The following CAST variants were observed in gnomAD, a reference collection of about 807,000 sequenced individuals.
CAST encodes the protein MIR583 host.
CAST carries 76 observed loss-of-function variants against 119.6 expected under a neutral mutation model. The observed-to-expected ratio is 0.64, with a 90% CI of 0.53 to 0.77. The LOEUF (loss-of-function observed/expected upper bound fraction) is 0.77. Ranked by LOEUF, CAST falls within the 30% of genes least tolerant of loss-of-function variation. The pLI, the probability that CAST is intolerant of heterozygous loss-of-function variation, is 0.00. For synonymous variants in CAST, 319 were observed against 331.6 expected (o/e 0.96, Z 0.41); for missense variants, 953 against 946.5 (o/e 1.01, Z -0.09).
At chr5:96,457,609 T>C in the CAST span, among the ~76,000 whole-genome samples, 1 of 152,206 alleles carries the variant, frequency 6.6e-6, no homozygotes, top group Admixed American at 6.5e-5. Context: ...CTTGCTCTTC[T>C]CTCTACCTGG....
chr5:96,485,479 G>A, the CAST span, among the ~76,000 whole-genome samples: 1 of 152,046 alleles, frequency 6.6e-6, no homozygotes, highest in Admixed American at 6.6e-5. Flanking sequence ...AAAGCTAAAA[G>A]TAAAAAATCA....
the CAST span, among the ~76,000 whole-genome samples, chr5:95,999,402 T>G: frequency 6.6e-6 from 1 of 152,156 alleles, no homozygotes; most frequent in Admixed American, 6.6e-5. Context: ...TAGGCTAGAT[T>G]TGCTTGGTGT....
At chr5:96,656,821 A>G (rs1480880555) in intron 1 of CAST, among the ~76,000 whole-genome samples, 1 of 152,180 alleles carries the variant, frequency 6.6e-6, no homozygotes, top group East Asian at 1.9e-4. Flanking sequence ...CCCCTGGTGC[A>G]TGCTCTTAAC....
intron 1 of CAST, among the ~76,000 whole-genome samples, chr5:96,652,550 A>G (rs1455090886): frequency 2.0e-5 from 3 of 152,136 alleles, no homozygotes; most frequent in Non-Finnish European, 4.4e-5. Context: ...CAGAGAGGAA[A>G]CCCTATGTTT....
At position 96,695,850 on chromosome 5, in the gene CAST, C is replaced by G; in HGVS notation, c.153C>G (p.Ser51Arg). ...KKGSDEKKAA[S>R]LGSSQSSRTY... Reference sequence around the variant, plus strand: ...CTATTTTCAAGAAAAAAGCAGCAAGCCTCGGCAGCAGTCAATCCTCCAGAA... The same window carrying G: ...CTATTTTCAAGAAAAAAGCAGCAAGGCTCGGCAGCAGTCAATCCTCCAGAA... The change falls in exon 3 of 32, where the codon AGC (serine) becomes AGG (arginine). Residue 51 changes from serine (S) to arginine (R), a missense_variant. Transcript: ENST00000675179. 2 of 1,612,220 alleles carry G rather than the reference C, an allele frequency of 1.2e-6. No individual in the cohort carries two copies. Among genetic ancestry groups the G allele is most frequent in the Non-Finnish European group, 8.5e-7 (1 of 1,178,648 alleles).
the CAST span, among the ~76,000 whole-genome samples, chr5:96,111,707 C>T: frequency 6.6e-6 from 1 of 152,180 alleles, no homozygotes; most frequent in Non-Finnish European, 1.5e-5. Context: ...TATTATATCA[C>T]AACATCACAG....
chr5:95,962,876 CTGTCGAGGTTAAG>C, the CAST span, among the ~76,000 whole-genome samples: 1 of 152,132 alleles, frequency 6.6e-6, no homozygotes, highest in African/African-American at 2.4e-5. Flanking sequence ...AGGTAAGAGG[CTGTCGAGGTTAAG>C]CGAAGGAGAT....
chr5:96,707,432 G>A (rs1283002851), intron 3 of CAST, among the ~76,000 whole-genome samples: 2 of 151,738 alleles, frequency 1.3e-5, no homozygotes, highest in Admixed American at 6.6e-5. Context: ...TGTTTCCCGG[G>A]CTGGAGTGCA....
chr5:96,424,999 GAAAGAAAGA>G, the CAST span, among the ~76,000 whole-genome samples: 10 of 93,176 alleles, frequency 1.1e-4, no homozygotes, highest in Non-Finnish European at 1.9e-4. Context: ...GAAAGAAAGA[GAAAGAAAGA>G]AAAGAAAGAA....
chr5:96,236,136 T>A, the CAST span, among the ~76,000 whole-genome samples: 1 of 152,022 alleles, frequency 6.6e-6, no homozygotes, highest in South Asian at 2.1e-4. Context: ...TCTCTATCTA[T>A]CTATCCATCC....
the CAST span, among the ~76,000 whole-genome samples, chr5:96,418,438 G>A: frequency 6.6e-6 from 1 of 152,100 alleles, no homozygotes; most frequent in African/African-American, 2.4e-5. Context: ...TCTGTAATTG[G>A]TGTTGAAATA....
chr5:96,600,480 C>G (rs1747130127), intron 1 of CAST, among the ~76,000 whole-genome samples: 2 of 152,116 alleles, frequency 1.3e-5, no homozygotes, highest in African/African-American at 4.8e-5. Context: ...TCATTGATAA[C>G]AGGAGAAGTC....
At chr5:96,684,777 C>T (rs1751870318) in intron 2 of CAST, among the ~76,000 whole-genome samples, 2 of 151,920 alleles carry the variant, frequency 1.3e-5, no homozygotes, top group South Asian at 4.2e-4. Flanking sequence ...GCCATGTTGC[C>T]CAGGCTAGTC....
At chr5:96,229,844 A>G in the CAST span, among the ~76,000 whole-genome samples, 1 of 152,146 alleles carries the variant, frequency 6.6e-6, no homozygotes, top group South Asian at 2.1e-4. Flanking sequence ...TGTTTATTTG[A>G]TGAAGTTACT....
chr5:96,558,250 G>A (rs959901800), intron 1 of CAST, among the ~76,000 whole-genome samples: 1 of 152,080 alleles, frequency 6.6e-6, no homozygotes, highest in African/African-American at 2.4e-5. Flanking sequence ...ACAAGAGAAA[G>A]CAGGAAAGAT....
intron 2 of CAST, among the ~76,000 whole-genome samples, chr5:96,692,630 A>G (rs1344081153): frequency 2.0e-5 from 3 of 151,980 alleles, no homozygotes; most frequent in East Asian, 1.9e-4. Flanking sequence ...CCCTCATCCC[A>G]TATATACACG....
At chr5:96,190,438 C>T in the CAST span, among the ~76,000 whole-genome samples, 1 of 152,182 alleles carries the variant, frequency 6.6e-6, no homozygotes, top group Non-Finnish European at 1.5e-5. Flanking sequence ...TGCCAAGAAC[C>T]TTCCACAGAG....
the CAST span, among the ~76,000 whole-genome samples, chr5:95,975,630 T>C: frequency 6.6e-6 from 1 of 152,208 alleles, no homozygotes; most frequent in South Asian, 2.1e-4. Context: ...ATAACTAGTT[T>C]AGATTCCCTA....
At chr5:96,319,561 C>G in the CAST span, among the ~76,000 whole-genome samples, 42 of 152,238 alleles carry the variant, frequency 2.8e-4, no homozygotes, top group African/African-American at 9.9e-4. Context: ...AATAGTAAGA[C>G]CAATCCTACA....
Sources: gnomAD v4.1 joint callset for allele counts (sites outside exome capture counted in the v4.1 genomes callset) on GRCh38, gnomAD v4.1.1 for gene constraint, MANE v1.5 for transcripts, NCBI Gene and HGNC (gene_info 2026-07-23, HGNC 2026-07-21) for gene names.